CCAR1: variants seen among roughly 807,000 people sequenced by gnomAD.
The protein encoded by CCAR1 is cell division cycle and apoptosis regulator 1.
CCAR1 carries 78 observed loss-of-function variants against 163.8 expected under a neutral mutation model. That is an observed-to-expected ratio of 0.48 (90% CI 0.40 to 0.57). The LOEUF (loss-of-function observed/expected upper bound fraction) is 0.57, where lower values mean the gene tolerates loss of function less well. CCAR1 is among the 20% of genes least tolerant of loss of function. The pLI is 0.00. For missense variants in CCAR1, 1,019 were observed against 1,365.2 expected (o/e 0.75, Z 4.00); for synonymous variants, 443 against 460.7 (o/e 0.96, Z 0.49).
chr10:68,749,646 C>A lies in CCAR1; in HGVS notation c.1079C>A (p.Pro360Gln), dbSNP rs2056305449. 2 of 1,613,178 alleles carry A rather than the reference C, an allele frequency of 1.2e-6. No homozygotes were observed. The highest frequency in any genetic ancestry group is 1.3e-5 in the African/African-American group (1 of 74,910). ...CCTCGGAGAGTTCGACGTGTTGTTCCACGTTACACAGTTCAGTTTTCAAAG... is the reference window on the plus strand; with the variant it reads ...CCTCGGAGAGTTCGACGTGTTGTTCAACGTTACACAGTTCAGTTTTCAAAG... The part of the protein sequence containing the change: ...RSPRRVRRVV[P>Q]RYTVQFSKFS... Residue 360 changes from proline (P) to glutamine (Q), a missense_variant, in exon 10 of 25, where the codon CCA (proline) becomes CAA (glutamine). Pro to Gln is a moderately conservative substitution (Grantham distance 76). Coordinates refer to ENST00000265872, the MANE Select transcript of CCAR1 (RefSeq NM_018237.4).
At chr10:68,733,983 A>T (rs1172859321) in intron 2 of CCAR1, among the ~76,000 whole-genome samples, 1 of 152,206 alleles carries the variant, frequency 6.6e-6, no homozygotes, top group Non-Finnish European at 1.5e-5. Context: ...AACATTTTTT[A>T]AAATTATTGT....
At chr10:68,729,338 C>T (rs1403455981) in intron 2 of CCAR1, among the ~76,000 whole-genome samples, 2 of 150,004 alleles carry the variant, frequency 1.3e-5, no homozygotes, top group Non-Finnish European at 3.0e-5. Flanking sequence ...GGCGCTATCT[C>T]GGCTCACTGC....
At chr10:68,775,127 T>A (rs1352616228) in intron 19 of CCAR1, 1 of 202,722 alleles carries the variant, frequency 4.9e-6, no homozygotes, top group Non-Finnish European at 1.0e-5. Flanking sequence ...ATTGTTAATA[T>A]TTGTCTTGTT....
At chr10:68,723,975 A>G (rs2055901714) in intron 2 of CCAR1, among the ~76,000 whole-genome samples, 1 of 151,248 alleles carries the variant, frequency 6.6e-6, no homozygotes, top group Admixed American at 6.6e-5. Context: ...CCTGACCAAC[A>G]TGGAGAAACC....
At chr10:68,740,044 T>C (rs891635452) in intron 4 of CCAR1, among the ~76,000 whole-genome samples, 4 of 152,200 alleles carry the variant, frequency 2.6e-5, no homozygotes, top group Non-Finnish European at 5.9e-5. Flanking sequence ...TGGTAAATTG[T>C]CCATCAACAG....
chr10:68,732,673 A>G (rs1178257628), intron 2 of CCAR1, among the ~76,000 whole-genome samples: 1 of 152,152 alleles, frequency 6.6e-6, no homozygotes, highest in Non-Finnish European at 1.5e-5. Context: ...TAACCTTTCT[A>G]GGGCCTATAT....
chr10:68,749,539 A>G lies in CCAR1; in HGVS notation c.972A>G (p.Arg324=). Residue 324 remains arginine (R), a synonymous_variant, in exon 10 of 25, where the codon AGA becomes AGG. Coordinates refer to ENST00000265872, the MANE Select transcript of CCAR1 (RefSeq NM_018237.4). ...TTGCTTTCAGTCGTGAGAGAGAGAG[A>G]GAAAGACGTAGATCGAGAGAAAGAT... ...RKDDRSRERE[R]ERRRSRERSP... 1 of 1,612,684 alleles carries G rather than the reference A, an allele frequency of 6.2e-7. No homozygotes were observed. The highest frequency in any genetic ancestry group is 8.5e-7 in the Non-Finnish European group (1 of 1,179,482).
chr10:68,785,041 C>G (rs1009040062), intron 19 of CCAR1, among the ~76,000 whole-genome samples: 1 of 151,224 alleles, frequency 6.6e-6, no homozygotes, highest in African/African-American at 2.4e-5. Flanking sequence ...TCTCAGCCTC[C>G]CGAGTAGCTG....
At chr10:68,748,245 C>CA (rs202014819) in intron 8 of CCAR1, among the ~76,000 whole-genome samples, 3 of 151,742 alleles carry the variant, frequency 2.0e-5, no homozygotes, top group Non-Finnish European at 4.4e-5. Flanking sequence ...TGGAAAAATA[C>CA]AAAAAAAACT....
At chr10:68,765,614 A>G (rs1246103952) in intron 16 of CCAR1, among the ~76,000 whole-genome samples, 2 of 152,112 alleles carry the variant, frequency 1.3e-5, no homozygotes, top group Non-Finnish European at 2.9e-5. Context: ...AATTTATATA[A>G]TCTCAATATA....
At chr10:68,766,169 G>T in intron 17 of CCAR1, 90 bp downstream of exon 17, 8 of 848,812 alleles carry the variant, frequency 9.4e-6, no homozygotes, top group East Asian at 5.6e-5. Flanking sequence ...TTTTTTCTTT[G>T]TTTTTCGCTT....
At chr10:68,726,369 T>G (rs1436382541) in intron 2 of CCAR1, among the ~76,000 whole-genome samples, 5 of 151,948 alleles carry the variant, frequency 3.3e-5, no homozygotes, top group African/African-American at 4.8e-5. Context: ...GCCAAGATGG[T>G]CTTGATCTCC....
chr10:68,731,615 T>TTG, intron 2 of CCAR1, among the ~76,000 whole-genome samples: 1 of 74,208 alleles, frequency 1.3e-5, no homozygotes, highest in South Asian at 4.3e-4. Flanking sequence ...TTTTTTTTTT[T>TTG]GGTAGAATCT....
chr10:68,737,905 C>G lies in CCAR1; in HGVS notation c.291+16C>G. On this transcript the variant is annotated intron_variant, in intron 4 of 24. Coordinates refer to ENST00000265872, the MANE Select transcript of CCAR1 (RefSeq NM_018237.4). ...GCAACAACAGGTTAGTTTATATTTT[C>G]CGTGTTAAAAACTGATTTTAAAATA... The G allele has an allele frequency of 6.4e-7, 1 of 1,558,458 alleles. No individual in the cohort carries two copies. The highest frequency in any genetic ancestry group is 1.2e-5 in the South Asian group (1 of 85,160).
chr10:68,751,141 C>T (rs574579988), intron 10 of CCAR1, among the ~76,000 whole-genome samples: 61 of 152,110 alleles, frequency 4.0e-4, no homozygotes, highest in Non-Finnish European at 7.1e-4. Context: ...AATTCTCCTC[C>T]CTCAGCCTCC....
At chr10:68,725,376 C>T (rs1026679436) in intron 2 of CCAR1, among the ~76,000 whole-genome samples, 2 of 149,050 alleles carry the variant, frequency 1.3e-5, no homozygotes, top group African/African-American at 4.9e-5. Flanking sequence ...CCAGCCTGAG[C>T]AGCAGAGTGA....
chr10:68,750,207 CTTTTTTCTTTT>C (rs1564537623), intron 10 of CCAR1, among the ~76,000 whole-genome samples: 28 of 116,536 alleles, frequency 2.4e-4, no homozygotes, highest in Non-Finnish European at 3.5e-4. Context: ...TTTCTTTTTT[CTTTTTTCTTTT>C]TTTTTTTTTT....
chr10:68,766,499 G>A (rs867928569), intron 17 of CCAR1, among the ~76,000 whole-genome samples: 6 of 151,158 alleles, frequency 4.0e-5, no homozygotes, highest in Non-Finnish European at 7.4e-5. Context: ...CACCATGCCC[G>A]TATCTCTGAA....
intron 10 of CCAR1, among the ~76,000 whole-genome samples, chr10:68,752,587 T>A (rs1053546553): frequency 1.3e-5 from 2 of 152,162 alleles, no homozygotes; most frequent in Non-Finnish European, 2.9e-5. Flanking sequence ...AGTATAATTA[T>A]AGGCCTGGCA....
Sources: allele counts gnomAD v4.1 joint callset (sites outside exome capture counted in the v4.1 genomes callset), GRCh38; gene constraint gnomAD v4.1.1; transcripts MANE v1.5; gene names NCBI Gene and HGNC (gene_info 2026-07-23, HGNC 2026-07-21).